The following SLK variants were observed in gnomAD, a reference collection of about 807,000 sequenced individuals.
SLK encodes the protein STE20 like kinase.
Under a neutral mutation model 147.7 loss-of-function variants are expected in SLK, and 67 were observed. The observed-to-expected ratio is 0.45, with a 90% confidence interval of 0.37 to 0.56. The LOEUF (loss-of-function observed/expected upper bound fraction) is 0.56, where lower values mean the gene tolerates loss of function less well. Ranked by LOEUF, SLK falls within the 20% of genes least tolerant of loss-of-function variation. SLK has a pLI of 0.00. For synonymous variants in SLK, 441 were observed against 475.0 expected (o/e 0.93, Z 0.93); for missense variants, 1,136 against 1,438.8 (o/e 0.79, Z 3.41).
chr10:103,995,291 C>T (rs1175863137), intron 4 of SLK, among the ~76,000 whole-genome samples: 1 of 151,924 alleles, frequency 6.6e-6, no homozygotes, highest in African/African-American at 2.4e-5. Context: ...CTCGTGTCTG[C>T]TTGTTGGTCT....
At chr10:103,999,834 TA>T (rs1564657165) in intron 6 of SLK, 32 bp from the exon 7 acceptor site, 3 of 904,404 alleles carry the variant, frequency 3.3e-6, no homozygotes, top group Non-Finnish European at 5.3e-6. Flanking sequence ...AACAAGAAAG[TA>T]AAATAGAATG....
chr10:103,985,984 G>A (rs182203562), intron 1 of SLK, among the ~76,000 whole-genome samples: 1 of 152,246 alleles, frequency 6.6e-6, no homozygotes, highest in Non-Finnish European at 1.5e-5. Context: ...AGTGATTTTA[G>A]GTGATCATGA....
chr10:103,999,372 G>T, intron 6 of SLK, 59 bp downstream of exon 6: 1 of 1,243,784 alleles, frequency 8.0e-7, no homozygotes, highest in Non-Finnish European at 1.1e-6. Flanking sequence ...AGCAGAACTT[G>T]ATGTTATATT....
In SLK at chr10:104,015,130, A is replaced by G. The variant is rs574232918; in HGVS notation, c.2878-3030A>G. On this transcript the variant is annotated intron_variant, in intron 13 of 18. Transcript: ENST00000369755. Reference sequence around the variant, plus strand: ...CCTTTTCAGATAATTTTTAGCTTTAATATAAAAAATCCTTTATACAGTGTC... The same window carrying G: ...CCTTTTCAGATAATTTTTAGCTTTAGTATAAAAAATCCTTTATACAGTGTC... Among the ~76,000 whole-genome samples, 81 of 152,298 alleles carry G rather than the reference A, an allele frequency of 5.3e-4. No individual in the cohort carries two copies. The Middle Eastern group carries it at 0.01, about 19-fold the overall frequency.
At chr10:103,996,675 G>A (rs1844179575) in intron 4 of SLK, among the ~76,000 whole-genome samples, 1 of 152,154 alleles carries the variant, frequency 6.6e-6, no homozygotes, top group Non-Finnish European at 1.5e-5. Context: ...TGGGATTGGT[G>A]TGAGCCACCG....
chr10:103,999,858 A>T lies in SLK; in HGVS notation c.783-9A>T. The T allele has an allele frequency of 1.7e-6, 2 of 1,207,750 alleles. No homozygotes were observed. The highest frequency in any genetic ancestry group is 1.2e-6 in the Non-Finnish European group (1 of 831,844). The allele number at this position is 1,207,750 out of a possible 1,614,324, so 74.8% of individuals were successfully genotyped here. On this transcript the variant is annotated splice_polypyrimidine_tract_variant and intron_variant, in intron 6 of 18. Transcript: ENST00000369755. Reference sequence around the variant, plus strand: ...GTAAAATAGAATGTTGTTAAAATTTATTTTAAAGGTCTTCAAATTTTAAGG... The same window carrying T: ...GTAAAATAGAATGTTGTTAAAATTTTTTTTAAAGGTCTTCAAATTTTAAGG...
chr10:103,990,657 T>C lies in SLK; in HGVS notation c.151-18T>C, dbSNP rs1844080290. ...TGATGCATTTGAAATGTGACACTTC[T>C]GATACTTTCATTTTCAGGCCCAGAA... On this transcript the variant is annotated intron_variant, in intron 1 of 18. Transcript: ENST00000369755. 1.3e-6 allele frequency: 2 copies of C among 1,494,568 alleles called. No homozygotes were observed. Among genetic ancestry groups the C allele is most frequent in the African/African-American group, 2.9e-5 (2 of 68,996 alleles). The allele number at this position is 1,494,568 out of a possible 1,614,324, so 92.6% of individuals were successfully genotyped here. A position where few individuals can be genotyped will look rare whatever the true frequency, so the allele number is the denominator to read the frequency against.
intron 18 of SLK, among the ~76,000 whole-genome samples, chr10:104,023,610 C>T (rs766140260): frequency 5.5e-4 from 83 of 152,136 alleles, no homozygotes; most frequent in Non-Finnish European, 9.7e-4. Flanking sequence ...CGCCCATTTT[C>T]CATCTGGGTG....
In SLK at chr10:103,967,668, G is replaced by A; in HGVS notation, c.-78G>A. ...CCGCCGCCGCCAGCCGGGCTCGCGCGGGAGAGCAGGGAAGAGAAACTTTGC... is the reference window on the plus strand; with the variant it reads ...CCGCCGCCGCCAGCCGGGCTCGCGCAGGAGAGCAGGGAAGAGAAACTTTGC... On this transcript the variant is annotated 5_prime_UTR_variant, in exon 1 of 19. Transcript: ENST00000369755. 3.0e-6 allele frequency: 4 copies of A among 1,320,718 alleles called. No homozygotes were observed. Among genetic ancestry groups the A allele is most frequent in the Middle Eastern group, 4.1e-4 (2 of 4,876 alleles). 81.8% of individuals were successfully genotyped at this position (1,320,718 alleles called of 1,614,324 possible).
At chr10:103,973,506 T>G (rs1843821519) in intron 1 of SLK, among the ~76,000 whole-genome samples, 2 of 152,228 alleles carry the variant, frequency 1.3e-5, no homozygotes. Context: ...TTAGCCTGGT[T>G]GAGTGCCACA....
intron 11 of SLK, 118 bp from the exon 12 acceptor site, chr10:104,008,059 G>A (rs1844351253): frequency 2.8e-6 from 2 of 715,076 alleles, no homozygotes; most frequent in African/African-American, 1.8e-5. Context: ...GTATTGTGAA[G>A]GTTATAGTAC....
At chr10:103,998,996 A>G (rs779413591) in intron 5 of SLK, 25 bp downstream of exon 5, 2 of 1,566,148 alleles carry the variant, frequency 1.3e-6, no homozygotes, top group South Asian at 2.2e-5. Flanking sequence ...TTATGAATTT[A>G]TAGTATTAGT....
intron 1 of SLK, among the ~76,000 whole-genome samples, chr10:103,986,320 T>G (rs1844012040): frequency 6.6e-6 from 1 of 152,196 alleles, no homozygotes; most frequent in South Asian, 2.1e-4. Context: ...GTTCCCATCT[T>G]GGGCTGATGG....
Position 103,990,096 on chromosome 10 carries a change from C to T in SLK, c.151-579C>T, listed in dbSNP as rs147760990. On this transcript the variant is annotated intron_variant, in intron 1 of 18. Coordinates refer to ENST00000369755, the MANE Select transcript of SLK (RefSeq NM_014720.4). ...AGCTAAACAGAAAGGTCTATACATA[C>T]TCTGATTCCAAGTATATGACATTCC... Among the ~76,000 whole-genome samples, 342 of 152,264 alleles carry T rather than the reference C, an allele frequency of 2.2e-3. 1 individual carries two copies. Among genetic ancestry groups the T allele is most frequent in the Non-Finnish European group, 4.0e-3 (273 of 68,016 alleles).
intron 9 of SLK, among the ~76,000 whole-genome samples, chr10:104,005,078 A>C (rs533899000): frequency 2.0e-5 from 3 of 152,252 alleles, no homozygotes; most frequent in African/African-American, 7.2e-5. Flanking sequence ...GCTTTTTCAA[A>C]AAAAAGAGAT....
rs1284537933 is a variant in SLK at position 104,003,344 on chromosome 10, TAAA to T, written c.2167_2169del (p.Lys723del). The T allele has an allele frequency of 6.2e-6, 10 of 1,613,922 alleles. No individual in the cohort carries two copies. The highest frequency in any genetic ancestry group is 8.5e-6 in the Non-Finnish European group (10 of 1,179,910). ...ATATCAACTCTGACAGTGGAGAAAA[TAAA>T]GAAGAAATAGGTTCTTTATCAAAAA... is the stretch of plus-strand genomic sequence containing the variant. On this transcript the variant is annotated inframe_deletion, in exon 9 of 19. Transcript: ENST00000369755.
intron 9 of SLK, among the ~76,000 whole-genome samples, chr10:104,004,698 T>G (rs1421505425): frequency 6.6e-6 from 1 of 152,178 alleles, no homozygotes; most frequent in Non-Finnish European, 1.5e-5. Context: ...ATTTTCACAT[T>G]CCATTTTTGC....
chr10:103,987,578 C>T (rs142579043), intron 1 of SLK, among the ~76,000 whole-genome samples: 17 of 152,180 alleles, frequency 1.1e-4, no homozygotes, highest in South Asian at 4.1e-4. Flanking sequence ...TTTATTGAAA[C>T]ATTTATTAAC....
rs143970941 is a variant in SLK at position 103,983,084 on chromosome 10, A to G, written c.151-7591A>G. ...ATGTGCATGGTTTTCCCTATGAACAATGTTTCAGTAGTCGCTAATTCAGTG... is the reference window on the plus strand; with the variant it reads ...ATGTGCATGGTTTTCCCTATGAACAGTGTTTCAGTAGTCGCTAATTCAGTG... On this transcript the variant is annotated intron_variant, in intron 1 of 18. Transcript: ENST00000369755. 5.0e-3 allele frequency among the ~76,000 whole-genome samples: 755 copies of G among 152,332 alleles called. 4 individuals carry two copies. Among genetic ancestry groups the G allele is most frequent in the African/African-American group, 0.017 (725 of 41,578 alleles).
Sources: gnomAD v4.1 joint callset for allele counts (sites outside exome capture counted in the v4.1 genomes callset) on GRCh38, gnomAD v4.1.1 for gene constraint, MANE v1.5 for transcripts, NCBI Gene and HGNC (gene_info 2026-07-23, HGNC 2026-07-21) for gene names.